Variants in AKAP13 observed in about 807,000 individuals in gnomAD.
The protein encoded by AKAP13 is A-kinase anchor protein 13.
Under a neutral mutation model 264.5 loss-of-function variants are expected in AKAP13, and 80 were observed. The observed-to-expected ratio is 0.30, with a 90% CI of 0.25 to 0.36. The LOEUF is 0.36. Ranked by LOEUF, AKAP13 falls within the 10% of genes least tolerant of loss-of-function variation. The pLI, the probability that AKAP13 is intolerant of heterozygous loss-of-function variation, is 1.00. For synonymous variants in AKAP13, 1,380 were observed against 1,250.2 expected, an observed-to-expected ratio of 1.10 and a Z score of -2.19; for missense variants, 3,712 against 3,435.2, an observed-to-expected ratio of 1.08 and a Z score of -2.01.
chr15:85,537,561 G>A (rs916639662), intron 4 of AKAP13, among the ~76,000 whole-genome samples: 1 of 152,188 alleles, frequency 6.6e-6, no homozygotes, highest in Non-Finnish European at 1.5e-5. Flanking sequence ...AGGTGCCTAT[G>A]TGCACACATT....
chr15:85,523,005 T>A (rs1346385461), intron 3 of AKAP13, among the ~76,000 whole-genome samples: 1 of 146,518 alleles, frequency 6.8e-6, no homozygotes, highest in Non-Finnish European at 1.5e-5. Context: ...GCAGCTGATA[T>A]GAGGTGCCTC....
At chr15:85,511,259 T>C (rs2062234) in intron 2 of AKAP13, among the ~76,000 whole-genome samples, 38,637 of 152,126 alleles carry the variant, frequency 0.25, 6,488 homozygotes, top group Middle Eastern at 0.41. Flanking sequence ...CTGGATCCAT[T>C]TCTTCTTACT....
chr15:85,439,893 C>T (rs938787670), intron 1 of AKAP13, among the ~76,000 whole-genome samples: 10 of 149,966 alleles, frequency 6.7e-5, no homozygotes, highest in East Asian at 2.0e-4. Flanking sequence ...GTGGGTGCAG[C>T]GCACGAGCAT....
At position 85,746,952 on chromosome 15, in the gene AKAP13, C is replaced by A. The variant is rs908185106; in HGVS notation, c.*2275C>A. On this transcript the variant is annotated 3_prime_UTR_variant, in exon 37 of 37. Transcript: ENST00000394518. Reference sequence around the variant, plus strand: ...CGTGGATGCTGAAGTTAGAGCACGTCGCCACAGAGCTTGACATCAATGTTA... The same window carrying A: ...CGTGGATGCTGAAGTTAGAGCACGTAGCCACAGAGCTTGACATCAATGTTA... The A allele has an allele frequency of 2.6e-5, 4 of 152,200 alleles. No individual in the cohort carries two copies. Among genetic ancestry groups the A allele is most frequent in the Non-Finnish European group, 5.9e-5 (4 of 68,036 alleles). 9.4% of individuals were successfully genotyped at this position (152,200 alleles called of 1,614,324 possible).
chr15:85,491,516 A>ATATATTT (rs1422451222), intron 2 of AKAP13, among the ~76,000 whole-genome samples: 1 of 82,604 alleles, frequency 1.2e-5, no homozygotes, highest in Non-Finnish European at 3.0e-5. Flanking sequence ...ATTATATATT[A>ATATATTT]TATATATTAT....
rs578188516 is a variant in AKAP13 at position 85,600,010 on chromosome 15, G to A, written c.4161+14187G>A. ...CAAGCTGCCCTGAAATATGACTGAT[G>A]TGGAGTGTTGCCTTGATCCTTCCTC... On this transcript the variant is annotated intron_variant, in intron 8 of 36. Coordinates refer to ENST00000394518, the MANE Select transcript of AKAP13 (RefSeq NM_007200.5). Among the ~76,000 whole-genome samples, 4 of 152,196 alleles carry A rather than the reference G, an allele frequency of 2.6e-5. No homozygotes were observed. The South Asian group carries it at 6.2e-4, about 24-fold the overall frequency.
chr15:85,686,302 T>C (rs189938677), intron 16 of AKAP13, among the ~76,000 whole-genome samples: 71 of 152,258 alleles, frequency 4.7e-4, no homozygotes, highest in African/African-American at 1.7e-3. Flanking sequence ...AATATTGTCA[T>C]AAAAGGGCAT....
At chr15:85,388,699 A>G (rs765462202) in intron 1 of AKAP13, among the ~76,000 whole-genome samples, 11 of 152,012 alleles carry the variant, frequency 7.2e-5, no homozygotes, top group African/African-American at 7.2e-5. Flanking sequence ...TTTAGTCGTG[A>G]TGTATTATTT....
intron 5 of AKAP13, among the ~76,000 whole-genome samples, chr15:85,559,342 C>T (rs1438749311): frequency 6.6e-6 from 1 of 152,192 alleles, no homozygotes; most frequent in Non-Finnish European, 1.5e-5. Context: ...ATCTCTATTT[C>T]AGTGGTCCCC....
chr15:85,671,900 C>T (rs1048689660), intron 14 of AKAP13, among the ~76,000 whole-genome samples: 6 of 152,178 alleles, frequency 3.9e-5, no homozygotes, highest in African/African-American at 1.4e-4. Flanking sequence ...CATAGAGAGA[C>T]CTTTTTCCTA....
chr15:85,743,356 G>T (rs574837678), intron 35 of AKAP13, 136 bp from the exon 36 acceptor site: 3 of 832,438 alleles, frequency 3.6e-6, no homozygotes, highest in Admixed American at 5.5e-5. Context: ...GTCCACAGAC[G>T]TGAGCTCTGT....
rs1159142237 is a variant in AKAP13, at chr15:85,479,584, ATTTTTT to A, written c.-11-6124_-11-6119del. Among the ~76,000 whole-genome samples the A allele has an allele frequency of 6.6e-5, 10 of 152,066 alleles. No individual in the cohort carries two copies. The East Asian group carries it at 1.7e-3, about 26-fold the overall frequency. On this transcript the variant is annotated intron_variant, in intron 1 of 36. Transcript: ENST00000394518. ...ATGTAGGGGTGATCTGCCCCCTCCT[ATTTTTT>A]TGTGGATTTGGAAGCTTCCCTGTTG...
At chr15:85,388,098 G>T (rs551963000) in intron 1 of AKAP13, among the ~76,000 whole-genome samples, 1 of 151,032 alleles carries the variant, frequency 6.6e-6, no homozygotes. Flanking sequence ...GCAGTGGTGC[G>T]ATCTCAGCTC....
At chr15:85,713,467 C>T (rs185095834) in intron 19 of AKAP13, among the ~76,000 whole-genome samples, 7 of 151,680 alleles carry the variant, frequency 4.6e-5, no homozygotes, top group Admixed American at 2.6e-4. Context: ...AGATTTTATC[C>T]GCTCAGTGAC....
chr15:85,389,629 CAAAG>C (rs1399087051), intron 1 of AKAP13, among the ~76,000 whole-genome samples: 1 of 152,184 alleles, frequency 6.6e-6, no homozygotes, highest in Non-Finnish European at 1.5e-5. Context: ...GTATAAATAA[CAAAG>C]AAGTATTTGT....
intron 10 of AKAP13, among the ~76,000 whole-genome samples, chr15:85,649,322 A>G (rs1257336144): frequency 1.3e-5 from 2 of 151,958 alleles, no homozygotes; most frequent in East Asian, 3.8e-4. Context: ...TTTACTCTCA[A>G]CCTCCCCAAA....
chr15:85,511,110 T>C (rs2076402199), intron 2 of AKAP13, among the ~76,000 whole-genome samples: 1 of 152,244 alleles, frequency 6.6e-6, no homozygotes, highest in South Asian at 2.1e-4. Context: ...CATTGTTTGT[T>C]CTGAGGATTT....
At position 85,718,814 on chromosome 15, in the gene AKAP13, C is replaced by T. The variant is rs758235876; in HGVS notation, c.6002-262C>T. The T allele has an allele frequency of 6.3e-5, 26 of 411,252 alleles. No individual in the cohort carries two copies. The highest frequency in any genetic ancestry group is 1.1e-4 in the Non-Finnish European group (24 of 223,362). 25.5% of individuals were successfully genotyped at this position (411,252 alleles called of 1,614,324 possible). A position where few individuals can be genotyped will look rare whatever the true frequency, so the allele number is the denominator to read the frequency against. ...GCTCGAGAGGCTAAAGCAGAAAGAT[C>T]GCTTGAGCCCAGGAGGTTGAGGCTG... On this transcript the variant is annotated intron_variant, in intron 22 of 36. Coordinates refer to ENST00000394518, the MANE Select transcript of AKAP13 (RefSeq NM_007200.5). The surrounding 1 kb of genome is among the most constrained non-coding windows in gnomAD (Gnocchi z 4.9).
chr15:85,744,152 C>T (rs900258694), intron 36 of AKAP13: 1 of 341,522 alleles, frequency 2.9e-6, no homozygotes, highest in Non-Finnish European at 5.4e-6. Context: ...TTGGTAACAG[C>T]TAGCATTTGG....
Sources: allele counts gnomAD v4.1 joint callset (sites outside exome capture counted in the v4.1 genomes callset), GRCh38; gene constraint gnomAD v4.1.1; non-coding constraint Gnocchi (gnomAD v3.1); transcripts MANE v1.5; gene names NCBI Gene and HGNC (gene_info 2026-07-23, HGNC 2026-07-21).